ADGRB3: variants seen among roughly 807,000 people sequenced by gnomAD.
ADGRB3 encodes adhesion G protein-coupled receptor B3.
ADGRB3 carries 37 observed loss-of-function variants against 193.4 expected under a neutral mutation model. That is an observed-to-expected ratio of 0.19 (90% CI 0.15 to 0.25). The LOEUF (loss-of-function observed/expected upper bound fraction) is 0.25. Ranked by LOEUF, ADGRB3 falls within the 10% of genes least tolerant of loss-of-function variation. The pLI is 1.00. For missense variants in ADGRB3, 1,637 were observed against 1,852.9 expected (o/e 0.88, Z 2.14); for synonymous variants, 690 against 644.2 (o/e 1.07, Z -1.08).
intron 3 of ADGRB3, among the ~76,000 whole-genome samples, chr6:68,795,574 T>A (rs935632984): frequency 6.6e-6 from 1 of 152,092 alleles, no homozygotes; most frequent in Admixed American, 6.6e-5. Flanking sequence ...CAAATCAATG[T>A]TTTTCCTCAA....
chr6:68,941,399 C>CA (rs1189973072), intron 5 of ADGRB3, among the ~76,000 whole-genome samples: 2 of 152,026 alleles, frequency 1.3e-5, no homozygotes, highest in Admixed American at 6.6e-5. Flanking sequence ...ACCGTGTAGC[C>CA]ATAAAGACTG....
At chr6:69,011,897 T>A (rs576845850) in intron 11 of ADGRB3, among the ~76,000 whole-genome samples, 15 of 152,116 alleles carry the variant, frequency 9.9e-5, no homozygotes, top group African/African-American at 3.6e-4. Context: ...CAAAGTCTAA[T>A]CAATAGTGAG....
In ADGRB3 at chr6:69,348,669, AAAG is replaced by A. The variant is rs202222265; in HGVS notation, c.3460-5556_3460-5554del. 6.2e-4 allele frequency among the ~76,000 whole-genome samples: 95 copies of A among 152,148 alleles called. 2 individuals are homozygous for A. In the East Asian group the frequency reaches 0.011, roughly 18 times the overall value. On this transcript the variant is annotated intron_variant, in intron 26 of 31. Coordinates refer to ENST00000370598, the MANE Select transcript of ADGRB3 (RefSeq NM_001704.3). Reference sequence around the variant, plus strand: ...AGAGCAAGACTCTGCCAAAAAAAAAAAAGAAGAAGAGTAGGTGGACACAGACAT... The same window carrying A: ...AGAGCAAGACTCTGCCAAAAAAAAAAAAGAAGAGTAGGTGGACACAGACAT...
At chr6:68,845,682 C>T (rs1350808227) in intron 3 of ADGRB3, among the ~76,000 whole-genome samples, 1 of 152,136 alleles carries the variant, frequency 6.6e-6, no homozygotes, top group Non-Finnish European at 1.5e-5. Flanking sequence ...CTTGCTGCCA[C>T]CATGTAAGAA....
chr6:69,044,331 A>G (rs1275833851), intron 13 of ADGRB3, among the ~76,000 whole-genome samples: 1 of 152,176 alleles, frequency 6.6e-6, no homozygotes, highest in Non-Finnish European at 1.5e-5. Flanking sequence ...AATTACCTCC[A>G]GTTTGTATGT....
chr6:69,161,306 A>G (rs1475983739), intron 17 of ADGRB3, among the ~76,000 whole-genome samples: 5 of 152,098 alleles, frequency 3.3e-5, no homozygotes, highest in African/African-American at 1.2e-4. Flanking sequence ...AACTGCTGAA[A>G]TTGGTTGGAA....
At chr6:69,263,934 C>A (rs1295194157) in intron 20 of ADGRB3, among the ~76,000 whole-genome samples, 1 of 151,946 alleles carries the variant, frequency 6.6e-6, no homozygotes, top group East Asian at 1.9e-4. Flanking sequence ...AACTTCATTT[C>A]AATATGTTCT....
chr6:68,785,278 A>G (rs1023505883), intron 3 of ADGRB3, among the ~76,000 whole-genome samples: 4 of 150,614 alleles, frequency 2.7e-5, no homozygotes, highest in Admixed American at 1.3e-4. Context: ...TTAGCATTAG[A>G]TATATCTCCT....
intron 17 of ADGRB3, among the ~76,000 whole-genome samples, chr6:69,193,652 A>G (rs1424480022): frequency 2.0e-5 from 3 of 152,094 alleles, no homozygotes; most frequent in Non-Finnish European, 4.4e-5. Flanking sequence ...AGAAATTAGA[A>G]CACCTGGGTT....
At chr6:69,137,695 G>A (rs560688506) in intron 17 of ADGRB3, among the ~76,000 whole-genome samples, 2 of 152,208 alleles carry the variant, frequency 1.3e-5, no homozygotes, top group South Asian at 4.1e-4. Flanking sequence ...TACTCGAGAG[G>A]CTGAGGTAGG....
chr6:69,267,066 C>A (rs1278424160), intron 20 of ADGRB3, among the ~76,000 whole-genome samples: 3 of 151,960 alleles, frequency 2.0e-5, no homozygotes, highest in African/African-American at 7.2e-5. Flanking sequence ...GCGTAAGAAC[C>A]CTCTCTTAAT....
chr6:68,720,952 T>C (rs1422121528), intron 3 of ADGRB3, among the ~76,000 whole-genome samples: 1 of 151,792 alleles, frequency 6.6e-6, no homozygotes, highest in African/African-American at 2.4e-5. Flanking sequence ...TTCTGAAAGT[T>C]TTTTGTTCTT....
intron 3 of ADGRB3, among the ~76,000 whole-genome samples, chr6:68,659,063 C>G (rs1298576388): frequency 6.6e-6 from 1 of 150,896 alleles, no homozygotes; most frequent in Non-Finnish European, 1.5e-5. Flanking sequence ...TTCATAAGTT[C>G]TTTTGTAACT....
At chr6:69,355,085 T>C (rs918208001) in intron 27 of ADGRB3, among the ~76,000 whole-genome samples, 3 of 152,180 alleles carry the variant, frequency 2.0e-5, no homozygotes, top group African/African-American at 7.2e-5. Context: ...ATCAACTCCT[T>C]ACTAAAAACA....
chr6:69,103,784 A>C (rs933691016), intron 17 of ADGRB3, among the ~76,000 whole-genome samples: 1 of 149,934 alleles, frequency 6.7e-6, no homozygotes, highest in African/African-American at 2.4e-5. Flanking sequence ...TTATTATAAT[A>C]TTATTATATT....
chr6:68,811,034 C>A (rs9346246), intron 3 of ADGRB3, among the ~76,000 whole-genome samples: 107,406 of 151,896 alleles, frequency 0.71, 38,276 homozygotes, highest in East Asian at 0.86. Flanking sequence ...AACTATGTGG[C>A]TTCATTGTTA....
intron 11 of ADGRB3, among the ~76,000 whole-genome samples, chr6:68,994,499 T>A (rs773858489): frequency 3.9e-5 from 6 of 152,210 alleles, no homozygotes; most frequent in Non-Finnish European, 8.8e-5. Flanking sequence ...TCTCACAGCA[T>A]ATTTTTCTTG....
chr6:68,804,363 C>T (rs1223719907), intron 3 of ADGRB3, among the ~76,000 whole-genome samples: 1 of 152,164 alleles, frequency 6.6e-6, no homozygotes, highest in Non-Finnish European at 1.5e-5. Flanking sequence ...CTAATTGTGA[C>T]ATGGAGAATT....
At chr6:69,041,116 G>T (rs1171507129) in intron 13 of ADGRB3, among the ~76,000 whole-genome samples, 1 of 152,172 alleles carries the variant, frequency 6.6e-6, no homozygotes. Context: ...TTCCAGGGAA[G>T]TGATGGCTAC....
Sources: allele counts gnomAD v4.1 joint callset (sites outside exome capture counted in the v4.1 genomes callset), GRCh38; gene constraint gnomAD v4.1.1; transcripts MANE v1.5; gene names NCBI Gene and HGNC (gene_info 2026-07-23, HGNC 2026-07-21).